The following PPM1F variants were observed in gnomAD, a reference collection of about 807,000 sequenced individuals.
The protein encoded by PPM1F is protein phosphatase 1F.
PPM1F carries 17 observed loss-of-function variants against 35.5 expected under a neutral mutation model. The observed-to-expected ratio is 0.48, with a 90% CI of 0.33 to 0.72. The LOEUF is 0.72. Ranked by LOEUF, PPM1F falls within the 30% of genes least tolerant of loss-of-function variation. The pLI, the probability that PPM1F is intolerant of heterozygous loss-of-function variation, is 0.02. For synonymous variants in PPM1F, 241 were observed against 255.5 expected, an observed-to-expected ratio of 0.94 and a Z score of 0.54; for missense variants, 521 against 613.0, an observed-to-expected ratio of 0.85 and a Z score of 1.59.
At position 21,933,611 on chromosome 22, in the gene PPM1F, G is replaced by A. The variant is rs758617126; in HGVS notation, c.559-32C>T. On this transcript the variant is annotated intron_variant, in intron 4 of 7. Coordinates refer to ENST00000263212, the MANE Select transcript of PPM1F (RefSeq NM_014634.4). The stretch of plus-strand genomic sequence containing the variant: ...GGGATGTGGTGGGAGTCACAGACCC[G>A]CGGGACCCAGGGTGCTCCCAGTGGG... The A allele has an allele frequency of 1.7e-5, 27 of 1,585,708 alleles. No individual in the cohort carries two copies. In the Admixed American group the frequency reaches 2.4e-4, roughly 14 times the overall value.
At chr22:21,937,294 CAGG>C (rs1197647468) in intron 3 of PPM1F, 12 of 152,488 alleles carry the variant, frequency 7.9e-5, no homozygotes, top group African/African-American at 2.9e-4. Context: ...CTTATGCACG[CAGG>C]AGGTCACAGA....
rs754608593 is a variant in PPM1F at position 21,945,915 on chromosome 22, G to A, written c.134C>T (p.Pro45Leu). ...NPEDPLPWKA[P>L]GTVLSQEEVE... Reference sequence around the variant, plus strand: ...CTCCTCCTGGCTGAGCACCGTCCCTGGGGCCTTCCATGGCAGAGGGTCCTC... The same window carrying A: ...CTCCTCCTGGCTGAGCACCGTCCCTAGGGCCTTCCATGGCAGAGGGTCCTC... The change falls in exon 2 of 8, where the codon CCA becomes CTA. Residue 45 changes from proline to leucine, a missense_variant. Pro to Leu is a moderately conservative substitution (Grantham distance 98, BLOSUM62 -3). Coordinates refer to ENST00000263212, the MANE Select transcript of PPM1F (RefSeq NM_014634.4). The A allele has an allele frequency of 1.4e-5, 22 of 1,612,890 alleles. No homozygotes were observed. The East Asian group carries it at 4.9e-4, about 36-fold the overall frequency.
chr22:21,938,523 C>G (rs1180468472), intron 3 of PPM1F: 1 of 1,075,204 alleles, frequency 9.3e-7, no homozygotes, highest in Non-Finnish European at 1.1e-6. Context: ...TCTTCTCCCA[C>G]CTTGTTCCTT....
At chr22:21,925,686 G>GGGGCA in intron 6 of PPM1F, 24 bp from the exon 7 acceptor site, 1 of 1,557,106 alleles carries the variant, frequency 6.4e-7, no homozygotes, top group Non-Finnish European at 8.7e-7. Context: ...GCCAGAGTTG[G>GGGGCA]GGGCAGGGCC....
intron 1 of PPM1F, chr22:21,951,079 A>C (rs543492533): frequency 2.0e-5 from 3 of 152,160 alleles, no homozygotes; most frequent in African/African-American, 7.2e-5. Context: ...ACCATTTCTA[A>C]GCGTACAGTT....
At chr22:21,925,805 A>G (rs1183840946) in intron 6 of PPM1F, 143 bp from the exon 7 acceptor site, 1 of 568,298 alleles carries the variant, frequency 1.8e-6, no homozygotes, top group Non-Finnish European at 3.0e-6. Flanking sequence ...GGAGGCTCAG[A>G]GATGCACCCA....
chr22:21,952,386 G>C (rs2078917468), intron 1 of PPM1F: 1 of 152,350 alleles, frequency 6.6e-6, no homozygotes, highest in South Asian at 2.1e-4. Context: ...TGCCGGCCCA[G>C]AGGCTCCTGG....
At chr22:21,924,350 C>T (rs2070485214) in intron 7 of PPM1F, among the ~76,000 whole-genome samples, 1 of 151,970 alleles carries the variant, frequency 6.6e-6, no homozygotes, top group African/African-American at 2.4e-5. Context: ...TCACCGCAAC[C>T]TCCACCTCCA....
rs1205517492 is a variant in PPM1F, at chr22:21,922,420, G to C, written c.*672C>G. On this transcript the variant is annotated 3_prime_UTR_variant, in exon 8 of 8. Coordinates refer to ENST00000263212, the MANE Select transcript of PPM1F (RefSeq NM_014634.4). Reference sequence around the variant, plus strand: ...GAAAAAAACAAACACACCAACAAAAGACACATGTGCGTCGCCGGTTCCGGG... The same window carrying C: ...GAAAAAAACAAACACACCAACAAAACACACATGTGCGTCGCCGGTTCCGGG... The C allele has an allele frequency of 1.3e-5, 2 of 152,474 alleles. No homozygotes were observed. Among genetic ancestry groups the C allele is most frequent in the Non-Finnish European group, 2.9e-5 (2 of 68,066 alleles). The allele number at this position is 152,474 out of a possible 1,614,324, so 9.4% of individuals were successfully genotyped here. A position where few individuals can be genotyped will look rare whatever the true frequency, so the allele number is the denominator to read the frequency against.
intron 4 of PPM1F, 89 bp from the exon 5 acceptor site, chr22:21,933,668 TG>T: frequency 8.0e-7 from 1 of 1,248,782 alleles, no homozygotes. Context: ...GGGTAGAGTC[TG>T]GGAGAATCAG....
rs1029565681 is a variant in PPM1F, at chr22:21,925,748, G to C, written c.892-86C>G. ...CTGCTACCTGAGCAGAGGCACAGCT[G>C]CTTCTAAGACAGCAGCATTCAAAGC... On this transcript the variant is annotated intron_variant, in intron 6 of 7. Coordinates refer to ENST00000263212, the MANE Select transcript of PPM1F (RefSeq NM_014634.4). The C allele has an allele frequency of 3.6e-6, 4 of 1,111,824 alleles. 1 individual carries two copies. Among genetic ancestry groups the C allele is most frequent in the Middle Eastern group, 4.2e-4 (2 of 4,782 alleles). The allele number at this position is 1,111,824 out of a possible 1,614,324, so 68.9% of individuals were successfully genotyped here.
chr22:21,939,876 T>C lies in PPM1F; in HGVS notation c.207-196A>G, dbSNP rs1186514590. Among the ~76,000 whole-genome samples the C allele has an allele frequency of 2.0e-5, 3 of 152,178 alleles. No homozygotes were observed. Among genetic ancestry groups the C allele is most frequent in the South Asian group, 2.1e-4 (1 of 4,830 alleles). On this transcript the variant is annotated intron_variant, in intron 2 of 7. Coordinates refer to ENST00000263212, the MANE Select transcript of PPM1F (RefSeq NM_014634.4). This position sits in a 1 kb window ranked among gnomAD's most constrained non-coding sequence, Gnocchi z 5.1. ...CATCTGGTGGGGAGCTGGACCATAC[T>C]TGAGCCTGCGGCTAGTTGGGAGGGG...
rs2070430110 is a variant in PPM1F, at chr22:21,920,103, T to C, written c.*2989A>G. 1 of 152,240 alleles carries C rather than the reference T, an allele frequency of 6.6e-6. No individual in the cohort carries two copies. Among genetic ancestry groups the C allele is most frequent in the Non-Finnish European group, 1.5e-5 (1 of 68,056 alleles). 9.4% of individuals were successfully genotyped at this position (152,240 alleles called of 1,614,324 possible). On this transcript the variant is annotated 3_prime_UTR_variant, in exon 8 of 8. Transcript: ENST00000263212. ...TTGTATTCCATATACGGTGCTGGCATGTGGAGCTCCATTCTTCTCCAGCCC... is the reference window on the plus strand; with the variant it reads ...TTGTATTCCATATACGGTGCTGGCACGTGGAGCTCCATTCTTCTCCAGCCC...
chr22:21,921,610 G>A lies in PPM1F; in HGVS notation c.*1482C>T, dbSNP rs1462555300. On this transcript the variant is annotated 3_prime_UTR_variant, in exon 8 of 8. Transcript: ENST00000263212. Reference sequence around the variant, plus strand: ...TCATGCCTGTTCAGGGCATGGGGCAGAGCAAGGCAGGCGTGCTGCCAGCCA... The same window carrying A: ...TCATGCCTGTTCAGGGCATGGGGCAAAGCAAGGCAGGCGTGCTGCCAGCCA... 1 of 152,406 alleles carries A rather than the reference G, an allele frequency of 6.6e-6. No individual in the cohort carries two copies. The highest frequency in any genetic ancestry group is 2.4e-5 in the African/African-American group (1 of 41,464). 9.4% of individuals were successfully genotyped at this position (152,406 alleles called of 1,614,324 possible).
Position 21,922,897 on chromosome 22 carries a change from C to T in PPM1F, c.*195G>A, listed in dbSNP as rs993502331. The T allele has an allele frequency of 2.9e-6, 2 of 686,702 alleles. No individual in the cohort carries two copies. The highest frequency in any genetic ancestry group is 2.0e-5 in the South Asian group (1 of 50,156). The allele number at this position is 686,702 out of a possible 1,614,324, so 42.5% of individuals were successfully genotyped here. On this transcript the variant is annotated 3_prime_UTR_variant, in exon 8 of 8. Transcript: ENST00000263212. ...GGTCTCCTAAGCTGCCTTCCACCATCTGCCCGCCACCCAGTGCAGTTCCAC... is the reference window on the plus strand; with the variant it reads ...GGTCTCCTAAGCTGCCTTCCACCATTTGCCCGCCACCCAGTGCAGTTCCAC...
chr22:21,937,804 G>T (rs1019183150), intron 3 of PPM1F: 3 of 266,708 alleles, frequency 1.1e-5, no homozygotes, highest in Non-Finnish European at 2.3e-5. Flanking sequence ...CTGAGGCAGT[G>T]CTGCCCAGCC....
rs533417713 is a variant in PPM1F, at chr22:21,919,667, T to A, written c.*3425A>T. ...GAGCTCCGTGCATTTGGCAAAGCTA[T>A]GGAGCCTTGGCAGAATGCACAGGAC... On this transcript the variant is annotated 3_prime_UTR_variant, in exon 8 of 8. Transcript: ENST00000263212. 1.3e-5 allele frequency: 2 copies of A among 152,226 alleles called. No homozygotes were observed. Among genetic ancestry groups the A allele is most frequent in the East Asian group, 3.9e-4 (2 of 5,128 alleles). The allele number at this position is 152,226 out of a possible 1,614,324, so 9.4% of individuals were successfully genotyped here. A position where few individuals can be genotyped will look rare whatever the true frequency, so the allele number is the denominator to read the frequency against.
chr22:21,925,649 C>A lies in PPM1F; in HGVS notation c.905G>T (p.Arg302Leu), dbSNP rs549205418. The A allele has an allele frequency of 1.9e-6, 3 of 1,589,154 alleles. No individual in the cohort carries two copies. Among genetic ancestry groups the A allele is most frequent in the Non-Finnish European group, 2.6e-6 (3 of 1,163,118 alleles). Residue 302 changes from arginine to leucine, a missense_variant, in exon 7 of 8, where the codon CGC (arginine) becomes CTC (leucine). Coordinates refer to ENST00000263212, the MANE Select transcript of PPM1F (RefSeq NM_014634.4). ...CACAAAGCCACCCAATGCTTCAATG[C>A]GCGCCTTCTCATCCTGCAGAAACAC... ...HRPERQDEKA[R>L]IEALGGFVSH...
chr22:21,940,316 T>C (rs1439652572), intron 2 of PPM1F, among the ~76,000 whole-genome samples: 1 of 151,940 alleles, frequency 6.6e-6, no homozygotes, highest in Non-Finnish European at 1.5e-5. Flanking sequence ...CTACTAAAAA[T>C]ACAAAAATTA....
Sources: allele counts gnomAD v4.1 joint callset (sites outside exome capture counted in the v4.1 genomes callset), GRCh38; gene constraint gnomAD v4.1.1; non-coding constraint Gnocchi (gnomAD v3.1); transcripts MANE v1.5; gene names NCBI Gene and HGNC (gene_info 2026-07-23, HGNC 2026-07-21).